ZBTB7C: variants seen among roughly 807,000 people sequenced by gnomAD.
ZBTB7C encodes the protein zinc finger and BTB domain-containing protein 7C.
In ZBTB7C, 8 loss-of-function variants were observed where a neutral mutation model predicts 25.7. The observed-to-expected ratio is 0.31, with a 90% CI of 0.18 to 0.56. ZBTB7C has a LOEUF of 0.56. Ranked by LOEUF, ZBTB7C falls within the 20% of genes least tolerant of loss-of-function variation. The pLI, the probability that ZBTB7C is intolerant of heterozygous loss-of-function variation, is 0.91. For synonymous variants in ZBTB7C, 394 were observed against 369.0 expected, an observed-to-expected ratio of 1.07 and a Z score of -0.78; for missense variants, 824 against 855.2, an observed-to-expected ratio of 0.96 and a Z score of 0.46.
At position 48,398,585 on chromosome 18, in the gene ZBTB7C, C is replaced by T. The variant is rs146549601; in HGVS notation, c.-304+10641G>A. ...CTCTTTGCCTTGATCAAGGCTATGC[C>T]CGATGCTGCCTTAACCTCCTTTCCC... On this transcript the variant is annotated intron_variant, in intron 1 of 4. Transcript: ENST00000590800. Among the ~76,000 whole-genome samples, 27 of 152,252 alleles carry T rather than the reference C, an allele frequency of 1.8e-4. 1 individual carries two copies. In the East Asian group the frequency reaches 4.1e-3, roughly 23 times the overall value.
intron 2 of ZBTB7C, among the ~76,000 whole-genome samples, chr18:48,308,993 A>C (rs545990234): frequency 2.0e-5 from 3 of 152,324 alleles, no homozygotes; most frequent in Admixed American, 2.0e-4. Flanking sequence ...ACAGAAGGTG[A>C]GGTCTACCTG....
chr18:48,327,059 A>G (rs577160281), intron 2 of ZBTB7C, among the ~76,000 whole-genome samples: 1 of 152,104 alleles, frequency 6.6e-6, no homozygotes, highest in Non-Finnish European at 1.5e-5. Context: ...AGGGTGAGTC[A>G]CCAGCCTCTG....
intron 2 of ZBTB7C, among the ~76,000 whole-genome samples, chr18:48,218,288 C>T (rs1031693015): frequency 6.6e-6 from 1 of 152,224 alleles, no homozygotes; most frequent in Non-Finnish European, 1.5e-5. Context: ...CAAAGGGCCG[C>T]TGAATCAAAA....
chr18:48,057,499 T>C (rs1032914363), intron 3 of ZBTB7C, among the ~76,000 whole-genome samples: 2 of 152,224 alleles, frequency 1.3e-5, no homozygotes, highest in African/African-American at 4.8e-5. Flanking sequence ...GATGACCATG[T>C]GTACATACTG....
intron 3 of ZBTB7C, among the ~76,000 whole-genome samples, chr18:48,055,369 C>T (rs1010279910): frequency 4.8e-5 from 7 of 145,718 alleles, no homozygotes; most frequent in African/African-American, 1.8e-4. Context: ...GAGATTGCGC[C>T]ACTGCACTCC....
chr18:48,370,577 A>G (rs2047365770), intron 1 of ZBTB7C, among the ~76,000 whole-genome samples: 1 of 152,218 alleles, frequency 6.6e-6, no homozygotes, highest in African/African-American at 2.4e-5. Flanking sequence ...AAACTGGGTT[A>G]AAAGTACACA....
At chr18:48,307,034 A>G (rs952403421) in intron 2 of ZBTB7C, among the ~76,000 whole-genome samples, 2 of 152,078 alleles carry the variant, frequency 1.3e-5, no homozygotes, top group African/African-American at 4.8e-5. Flanking sequence ...CTCCTAAGGA[A>G]TCTCATGCCT....
At chr18:48,293,617 A>G (rs2045300385) in intron 2 of ZBTB7C, among the ~76,000 whole-genome samples, 1 of 152,168 alleles carries the variant, frequency 6.6e-6, no homozygotes, top group African/African-American at 2.4e-5. Context: ...AAAGCAGTCC[A>G]AAGACTGAAC....
At chr18:48,368,567 T>A (rs1432772616) in intron 1 of ZBTB7C, among the ~76,000 whole-genome samples, 1 of 152,066 alleles carries the variant, frequency 6.6e-6, no homozygotes, top group Non-Finnish European at 1.5e-5. Flanking sequence ...TGGAAAAAGA[T>A]AAACCTACAG....
intron 2 of ZBTB7C, among the ~76,000 whole-genome samples, chr18:48,289,807 T>C (rs918683534): frequency 2.4e-4 from 36 of 151,998 alleles, no homozygotes; most frequent in Non-Finnish European, 1.3e-4. Context: ...AAGGTGATGG[T>C]TCCATGGTGT....
chr18:48,149,376 T>C (rs1226540447), intron 3 of ZBTB7C: 1 of 152,240 alleles, frequency 6.6e-6, no homozygotes, highest in Non-Finnish European at 1.5e-5. Flanking sequence ...CGGGAAAGCA[T>C]CTTCTCTAGC....
rs61738460 is a variant in ZBTB7C, at chr18:48,040,077, C to T, written c.1031G>A (p.Gly344Glu). The change falls in exon 4 of 5, where the codon GGA becomes GAA. Residue 344 changes from glycine (G) to glutamate (E), a missense_variant. Transcript: ENST00000590800. ...YLNFLSATHL[G>E]GLFPPWPLVE... ...CAGGGGCCAGGGTGGGAAGAGGCCT[C>T]CCAGGTGGGTGGCACTCAGGAAGTT... 10,747 of 1,612,480 alleles carry T rather than the reference C, an allele frequency of 6.7e-3. 69 individuals are homozygous for T. The highest frequency in any genetic ancestry group is 7.8e-3 in the Non-Finnish European group (9,238 of 1,179,152).
chr18:48,077,844 T>G (rs1202068648), intron 3 of ZBTB7C, among the ~76,000 whole-genome samples: 2 of 152,146 alleles, frequency 1.3e-5, no homozygotes, highest in African/African-American at 4.8e-5. Flanking sequence ...AGAGGTAAGA[T>G]GCTGAGGAGA....
chr18:48,027,065 A>T lies in ZBTB7C; in HGVS notation c.*2195T>A, dbSNP rs1427586185. ...AAAAAAAGAGTTATAAATAGAAAAAATTCCAAAGTTCTCCCACAGACAGAC... is the reference window on the plus strand; with the variant it reads ...AAAAAAAGAGTTATAAATAGAAAAATTTCCAAAGTTCTCCCACAGACAGAC... On this transcript the variant is annotated 3_prime_UTR_variant, in exon 5 of 5. Transcript: ENST00000590800. The T allele has an allele frequency of 2.6e-5, 4 of 151,104 alleles. No homozygotes were observed. Among genetic ancestry groups the T allele is most frequent in the East Asian group, 1.9e-4 (1 of 5,162 alleles). 9.4% of individuals were successfully genotyped at this position (151,104 alleles called of 1,614,324 possible).
chr18:48,101,267 G>A (rs1002744292), intron 3 of ZBTB7C, among the ~76,000 whole-genome samples: 1 of 152,192 alleles, frequency 6.6e-6, no homozygotes, highest in Non-Finnish European at 1.5e-5. Context: ...ATCATTGTAT[G>A]CTCCTTTTTA....
At chr18:48,078,711 G>A (rs1009758514) in intron 3 of ZBTB7C, among the ~76,000 whole-genome samples, 1 of 152,194 alleles carries the variant, frequency 6.6e-6, no homozygotes, top group African/African-American at 2.4e-5. Flanking sequence ...CAGGTAGCAG[G>A]GTGGGGGGCT....
At chr18:48,369,060 TA>T (rs1422290412) in intron 1 of ZBTB7C, among the ~76,000 whole-genome samples, 1 of 152,222 alleles carries the variant, frequency 6.6e-6, no homozygotes, top group Non-Finnish European at 1.5e-5. Flanking sequence ...CTTGAGTTTC[TA>T]AATTATATTT....
chr18:48,292,509 C>T (rs2045261313), intron 2 of ZBTB7C, among the ~76,000 whole-genome samples: 1 of 152,130 alleles, frequency 6.6e-6, no homozygotes, highest in South Asian at 2.1e-4. Context: ...TGCGCCTGTC[C>T]CTGGAGAGGC....
At chr18:48,312,206 T>A (rs2045837496) in intron 2 of ZBTB7C, among the ~76,000 whole-genome samples, 1 of 152,190 alleles carries the variant, frequency 6.6e-6, no homozygotes, top group Non-Finnish European at 1.5e-5. Flanking sequence ...TCCTGGGCCT[T>A]GCTACCAGCT....
Sources: gnomAD v4.1 joint callset for allele counts (sites outside exome capture counted in the v4.1 genomes callset) on GRCh38, gnomAD v4.1.1 for gene constraint, MANE v1.5 for transcripts, NCBI Gene and HGNC (gene_info 2026-07-23, HGNC 2026-07-21) for gene names.